The following AUTS2 variants were observed in gnomAD, a reference collection of about 807,000 sequenced individuals.
AUTS2 encodes autism susceptibility gene 2 protein.
A neutral mutation model predicts 112.4 loss-of-function variants in AUTS2; 17 were observed. That is an observed-to-expected ratio of 0.15 (90% CI 0.10 to 0.23). AUTS2 has a LOEUF of 0.23. Among genes scored for constraint, AUTS2 ranks in the 10% least tolerant of loss-of-function variants. The pLI is 1.00. For missense variants in AUTS2, 1,510 were observed against 1,701.6 expected, an observed-to-expected ratio of 0.89 and a Z score of 1.98; for synonymous variants, 751 against 702.7, an observed-to-expected ratio of 1.07 and a Z score of -1.09.
At chr7:70,494,276 G>A (rs1798361339) in intron 5 of AUTS2, among the ~76,000 whole-genome samples, 1 of 151,996 alleles carries the variant, frequency 6.6e-6, no homozygotes, top group Admixed American at 6.6e-5. Flanking sequence ...TCAGAGTCTA[G>A]GCTTGGGTAT....
intron 2 of AUTS2, among the ~76,000 whole-genome samples, chr7:70,043,889 G>T (rs370468097): frequency 6.6e-6 from 1 of 151,816 alleles, no homozygotes; most frequent in Admixed American, 6.6e-5. Context: ...GATTACAGGC[G>T]TGAGCCACTG....
intron 18 of AUTS2, 55 bp downstream of exon 18, chr7:70,787,486 T>G: frequency 7.5e-7 from 1 of 1,325,996 alleles, no homozygotes; most frequent in Non-Finnish European, 1.0e-6. Flanking sequence ...CTATGCCAAG[T>G]ACCAGTGGAA....
At chr7:70,789,644 C>T (rs1311446932) in intron 18 of AUTS2, 104 bp from the exon 19 acceptor site, 6 of 1,381,396 alleles carry the variant, frequency 4.3e-6, no homozygotes, top group South Asian at 4.1e-5. Flanking sequence ...GGAAGCAGCC[C>T]CCAGCCTGTC....
At chr7:69,781,821 A>G (rs753095641) in intron 1 of AUTS2, among the ~76,000 whole-genome samples, 3 of 152,190 alleles carry the variant, frequency 2.0e-5, no homozygotes, top group Admixed American at 6.5e-5. Context: ...GGCTGCCTTC[A>G]TCTGGTCAGC....
chr7:70,697,560 TC>T lies in AUTS2; in HGVS notation c.691-999del, dbSNP rs10636908. On this transcript the variant is annotated intron_variant, in intron 5 of 18. Coordinates refer to ENST00000342771, the MANE Select transcript of AUTS2 (RefSeq NM_015570.4). ...GTCAAAATATGCTGCACTTCAGAATTCCCCCCCCCCATTTCCTATATTTCCT... is the reference window on the plus strand; with the variant it reads ...GTCAAAATATGCTGCACTTCAGAATTCCCCCCCCCATTTCCTATATTTCCT... Among the ~76,000 whole-genome samples the T allele has an allele frequency of 7.2e-3, 922 of 127,780 alleles. 19 individuals carry two copies. Among genetic ancestry groups the T allele is most frequent in the African/African-American group, 0.024 (817 of 34,524 alleles). 83.8% of individuals were successfully genotyped at this position (127,780 alleles called of 152,430 possible). A position where few individuals can be genotyped will look rare whatever the true frequency, so the allele number is the denominator to read the frequency against.
At chr7:70,626,672 T>C (rs886796724) in intron 5 of AUTS2, among the ~76,000 whole-genome samples, 1 of 152,130 alleles carries the variant, frequency 6.6e-6, no homozygotes, top group Non-Finnish European at 1.5e-5. Context: ...TCCTTCCCTC[T>C]CGCCTCTCAT....
At chr7:69,644,356 A>G (rs550516284) in intron 1 of AUTS2, among the ~76,000 whole-genome samples, 1 of 151,824 alleles carries the variant, frequency 6.6e-6, no homozygotes, top group South Asian at 2.1e-4. Flanking sequence ...GACAAAAGTG[A>G]TCCAAAACAT....
chr7:69,715,582 G>A (rs946575330), intron 1 of AUTS2, among the ~76,000 whole-genome samples: 1 of 152,194 alleles, frequency 6.6e-6, no homozygotes, highest in Non-Finnish European at 1.5e-5. Flanking sequence ...AGAAACTGCA[G>A]AGACATAGTA....
At chr7:70,592,612 C>T (rs1482814155) in intron 5 of AUTS2, among the ~76,000 whole-genome samples, 1 of 152,078 alleles carries the variant, frequency 6.6e-6, no homozygotes, top group Non-Finnish European at 1.5e-5. Flanking sequence ...TCCCACCCGC[C>T]CTGTCCTCCC....
chr7:70,394,114 A>G (rs1793983767), intron 4 of AUTS2, among the ~76,000 whole-genome samples: 1 of 147,678 alleles, frequency 6.8e-6, no homozygotes, highest in Non-Finnish European at 1.5e-5. Context: ...TTCACCTTAC[A>G]CAGTCATAGA....
intron 4 of AUTS2, among the ~76,000 whole-genome samples, chr7:70,176,491 C>G (rs566345448): frequency 6.6e-6 from 1 of 152,312 alleles, no homozygotes; most frequent in Non-Finnish European, 1.5e-5. Flanking sequence ...CCTGTGCAAA[C>G]AACTGTCAAC....
chr7:70,204,001 G>T (rs1035817263), intron 4 of AUTS2, among the ~76,000 whole-genome samples: 2 of 147,510 alleles, frequency 1.4e-5, no homozygotes, highest in Non-Finnish European at 3.0e-5. Context: ...AATGTTAGTT[G>T]TTTGAGCATT....
chr7:70,296,067 C>T (rs1027075658), intron 4 of AUTS2, among the ~76,000 whole-genome samples: 8 of 152,168 alleles, frequency 5.3e-5, no homozygotes, highest in South Asian at 2.1e-4. Flanking sequence ...CATGAAGCTA[C>T]TTGCTGAGCC....
At chr7:70,011,349 C>CCTCTCCT (rs1799798764) in intron 2 of AUTS2, among the ~76,000 whole-genome samples, 1 of 147,948 alleles carries the variant, frequency 6.8e-6, no homozygotes, top group Non-Finnish European at 1.5e-5. Context: ...CCTCTCCTCT[C>CCTCTCCT]CTCTCCTCTC....
intron 1 of AUTS2, among the ~76,000 whole-genome samples, chr7:69,806,455 G>A (rs749070793): frequency 1.2e-4 from 18 of 151,922 alleles, no homozygotes; most frequent in Middle Eastern, 3.4e-3. Context: ...GCTACACTCT[G>A]TTTGTGTATT....
At chr7:69,860,801 G>GTAC (rs1371825852) in intron 1 of AUTS2, among the ~76,000 whole-genome samples, 2 of 152,130 alleles carry the variant, frequency 1.3e-5, no homozygotes, top group Admixed American at 6.6e-5. Context: ...GGTTCTGAGG[G>GTAC]TACTGCTTCT....
rs1348446506 is a variant in AUTS2 at position 70,336,751 on chromosome 7, G to A, written c.661-99001G>A. On this transcript the variant is annotated intron_variant, in intron 4 of 18. Transcript: ENST00000342771. Reference sequence around the variant, plus strand: ...CTGCCTCTCTGGCTTTTGCAGGGACGCTTGGGTTTCAGGCTGTAACTCTTA... The same window carrying A: ...CTGCCTCTCTGGCTTTTGCAGGGACACTTGGGTTTCAGGCTGTAACTCTTA... 3.3e-5 allele frequency among the ~76,000 whole-genome samples: 5 copies of A among 152,102 alleles called. No individual in the cohort carries two copies. The East Asian group carries it at 7.7e-4, about 24-fold the overall frequency.
chr7:70,597,315 CCT>C (rs1803256196), intron 5 of AUTS2, among the ~76,000 whole-genome samples: 2 of 152,190 alleles, frequency 1.3e-5, no homozygotes, highest in African/African-American at 4.8e-5. Context: ...ACCAGAGCTC[CCT>C]CTCTCCTGCC....
At chr7:70,649,574 G>A (rs1806380229) in intron 5 of AUTS2, among the ~76,000 whole-genome samples, 1 of 151,528 alleles carries the variant, frequency 6.6e-6, no homozygotes, top group South Asian at 2.1e-4. Flanking sequence ...TGTCACCCGG[G>A]CTGGAGTGCA....
Sources: allele counts gnomAD v4.1 joint callset (sites outside exome capture counted in the v4.1 genomes callset), GRCh38; gene constraint gnomAD v4.1.1; transcripts MANE v1.5; gene names NCBI Gene and HGNC (gene_info 2026-07-23, HGNC 2026-07-21).